The following KDM4C variants were observed in gnomAD, a reference collection of about 807,000 sequenced individuals.
KDM4C encodes the protein lysine-specific demethylase 4C.
KDM4C carries 81 observed loss-of-function variants against 129.3 expected under a neutral mutation model. That is an observed-to-expected ratio of 0.63 (90% CI 0.52 to 0.75). KDM4C has a LOEUF of 0.75. Ranked by LOEUF, KDM4C falls within the 30% of genes least tolerant of loss-of-function variation. KDM4C has a pLI of 0.00. For synonymous variants in KDM4C, 573 were observed against 456.1 expected (o/e 1.26, Z -3.26); for missense variants, 1,457 against 1,304.0 (o/e 1.12, Z -1.81).
chr9:6,855,212 G>A (rs1204770549), intron 5 of KDM4C, among the ~76,000 whole-genome samples: 1 of 152,128 alleles, frequency 6.6e-6, no homozygotes, highest in Non-Finnish European at 1.5e-5. Context: ...TGTAATCCCA[G>A]CACTTTGGGA....
At chr9:7,161,353 C>G (rs927408669) in intron 19 of KDM4C, among the ~76,000 whole-genome samples, 1 of 152,170 alleles carries the variant, frequency 6.6e-6, no homozygotes. Context: ...TCCAACCAGT[C>G]CCAATGAGAT....
chr9:7,028,351 C>G (rs1201837767), intron 15 of KDM4C, among the ~76,000 whole-genome samples: 1 of 151,704 alleles, frequency 6.6e-6, no homozygotes, highest in South Asian at 2.1e-4. Flanking sequence ...CAGTGAGTTC[C>G]CTTCCGGCCA....
At chr9:6,724,012 A>G (rs921623798) in intron 1 of KDM4C, 1 of 152,244 alleles carries the variant, frequency 6.6e-6, no homozygotes, top group Non-Finnish European at 1.5e-5. Flanking sequence ...TGGGATGAAT[A>G]CATGATTAAG....
chr9:6,995,882 A>G (rs182471818), intron 12 of KDM4C, among the ~76,000 whole-genome samples: 1,707 of 136,878 alleles, frequency 0.012, 19 homozygotes, highest in South Asian at 0.04. Flanking sequence ...TGTGTTAGCC[A>G]GGATGGTCTC....
intron 4 of KDM4C, among the ~76,000 whole-genome samples, chr9:6,823,220 A>C (rs538285669): frequency 9.9e-5 from 15 of 152,116 alleles, no homozygotes; most frequent in East Asian, 5.8e-4. Flanking sequence ...CCTCATCTCT[A>C]TTCTCCATCG....
chr9:6,806,902 C>CTCTCCG (rs1830084527), intron 3 of KDM4C, among the ~76,000 whole-genome samples: 1 of 148,142 alleles, frequency 6.8e-6, no homozygotes. Flanking sequence ...CTCCCTCTCC[C>CTCTCCG]TCTCCCTCTC....
chr9:6,864,846 G>A (rs954520017), intron 5 of KDM4C, among the ~76,000 whole-genome samples: 11 of 150,992 alleles, frequency 7.3e-5, no homozygotes, highest in Admixed American at 2.0e-4. Flanking sequence ...CTGTGTCTAT[G>A]TATGTGCCTG....
intron 2 of KDM4C, among the ~76,000 whole-genome samples, chr9:6,805,003 C>G (rs1326452506): frequency 6.6e-6 from 1 of 151,882 alleles, no homozygotes; most frequent in African/African-American, 2.4e-5. Flanking sequence ...TGGGTTCAAG[C>G]GATTCTCCTG....
In KDM4C at chr9:6,865,133, C is replaced by T. The variant is rs181721698; in HGVS notation, c.630-14879C>T. ...AAGCAATTCTCCTGCTTCAGCCTCC[C>T]GAGTAGCTGGGACTGCAGGTGCCCG... On this transcript the variant is annotated intron_variant, in intron 5 of 21. Coordinates refer to ENST00000381309, the MANE Select transcript of KDM4C (RefSeq NM_015061.6). 6.3e-3 allele frequency among the ~76,000 whole-genome samples: 963 copies of T among 151,810 alleles called. 11 individuals carry two copies. The highest frequency in any genetic ancestry group is 0.022 in the African/African-American group (909 of 41,388).
chr9:6,757,906 A>C (rs370388401), upstream of KDM4C: 1 of 985,282 alleles, frequency 1.0e-6, no homozygotes, highest in Non-Finnish European at 1.2e-6. Flanking sequence ...GCTGTTTGTA[A>C]GCCCACGTGA....
At chr9:7,026,614 G>C (rs959544661) in intron 15 of KDM4C, among the ~76,000 whole-genome samples, 1 of 151,902 alleles carries the variant, frequency 6.6e-6, no homozygotes, top group Non-Finnish European at 1.5e-5. Context: ...CTTGTACTTT[G>C]ACATTAATAT....
At chr9:7,167,668 A>T (rs1228865833) in intron 20 of KDM4C, among the ~76,000 whole-genome samples, 1 of 152,230 alleles carries the variant, frequency 6.6e-6, no homozygotes, top group Non-Finnish European at 1.5e-5. Context: ...GTGGATAATA[A>T]TACGTTCAAT....
intron 19 of KDM4C, among the ~76,000 whole-genome samples, chr9:7,149,111 GC>G (rs1310000780): frequency 6.6e-6 from 1 of 152,222 alleles, no homozygotes; most frequent in Non-Finnish European, 1.5e-5. Flanking sequence ...GCATGCCCAT[GC>G]CGAGCCGCCC....
At chr9:7,042,738 G>T (rs940565462) in intron 15 of KDM4C, among the ~76,000 whole-genome samples, 1 of 152,016 alleles carries the variant, frequency 6.6e-6, no homozygotes, top group Non-Finnish European at 1.5e-5. Flanking sequence ...GATACCTTAT[G>T]CCTTGCCTTA....
At chr9:7,040,369 CTG>C (rs527776913) in intron 15 of KDM4C, among the ~76,000 whole-genome samples, 4,594 of 100,104 alleles carry the variant, frequency 0.046, 86 homozygotes, top group South Asian at 0.084. Flanking sequence ...CTACCCCACT[CTG>C]TGTGTGTGTG....
At chr9:6,883,000 G>T (rs1419642449) in intron 6 of KDM4C, among the ~76,000 whole-genome samples, 1 of 152,154 alleles carries the variant, frequency 6.6e-6, no homozygotes. Flanking sequence ...GGGCATATAC[G>T]TAGATTTCTG....
At chr9:6,917,688 C>T (rs1203426288) in intron 8 of KDM4C, among the ~76,000 whole-genome samples, 3 of 152,174 alleles carry the variant, frequency 2.0e-5, no homozygotes, top group Non-Finnish European at 4.4e-5. Flanking sequence ...CCTCCTGTCT[C>T]CATCCTCATT....
At chr9:6,944,383 G>A (rs996796728) in intron 8 of KDM4C, among the ~76,000 whole-genome samples, 4 of 152,138 alleles carry the variant, frequency 2.6e-5, no homozygotes, top group African/African-American at 9.7e-5. Flanking sequence ...TTCTGGAATG[G>A]CACTTCCTTT....
intron 2 of KDM4C, among the ~76,000 whole-genome samples, chr9:6,796,907 C>G (rs1454182319): frequency 6.6e-6 from 1 of 151,984 alleles, no homozygotes; most frequent in African/African-American, 2.4e-5. Flanking sequence ...TTATAAAAAT[C>G]AAGACTGCAT....
Sources: allele counts gnomAD v4.1 joint callset (sites outside exome capture counted in the v4.1 genomes callset), GRCh38; gene constraint gnomAD v4.1.1; transcripts MANE v1.5; gene names NCBI Gene and HGNC (gene_info 2026-07-23, HGNC 2026-07-21).